Variants in AJAP1 observed in about 807,000 individuals in gnomAD.
AJAP1 encodes the protein adherens junctions associated protein 1.
In AJAP1, 5 loss-of-function variants were observed where a neutral mutation model predicts 35.0. The ratio of observed to expected loss-of-function variants is 0.14; its 90% CI spans 0.07 to 0.30. AJAP1 has a LOEUF of 0.30. AJAP1 is among the 10% of genes least tolerant of loss of function. The pLI is 1.00. For missense variants in AJAP1, 586 were observed against 571.0 expected, an observed-to-expected ratio of 1.03 and a Z score of -0.27; for synonymous variants, 284 against 249.3, an observed-to-expected ratio of 1.14 and a Z score of -1.31.
rs1260728308 is a variant in AJAP1 at position 4,712,104 on chromosome 1, G to A, written c.234G>A (p.Val78=). 1.3e-6 allele frequency: 2 copies of A among 1,549,202 alleles called. No individual in the cohort carries two copies. Among genetic ancestry groups the A allele is most frequent in the East Asian group, 2.4e-5 (1 of 41,834 alleles). The change falls in exon 2 of 6, where the codon GTG becomes GTA. Residue 78 remains valine, a synonymous_variant. Coordinates refer to ENST00000378191, the MANE Select transcript of AJAP1 (RefSeq NM_018836.4). The part of the protein sequence containing the change: ...SGQPARVPAP[V]WSPRPPRVER... Reference sequence around the variant, plus strand: ...AGCCAGCGCGGGTCCCGGCCCCGGTGTGGAGCCCCCGGCCGCCCCGAGTGG... The same window carrying A: ...AGCCAGCGCGGGTCCCGGCCCCGGTATGGAGCCCCCGGCCGCCCCGAGTGG...
intron 2 of AJAP1, among the ~76,000 whole-genome samples, chr1:4,739,440 C>T (rs942350417): frequency 9.9e-5 from 15 of 152,180 alleles, no homozygotes; most frequent in African/African-American, 3.1e-4. Context: ...CCACCCCCTA[C>T]CCTCGTGTTA....
rs1640587419 is a variant in AJAP1 at position 4,723,974 on chromosome 1, G to C, written c.829+11275G>C. On this transcript the variant is annotated intron_variant, in intron 2 of 5. Coordinates refer to ENST00000378191, the MANE Select transcript of AJAP1 (RefSeq NM_018836.4). The surrounding 1 kb of genome is among the most constrained non-coding windows in gnomAD (Gnocchi z 4.3). ...TGAGCTCGCTATAGAGACCTCAAGA[G>C]GTGTCCAAGAAAAGCCTGGTTTCCG... is the stretch of plus-strand genomic sequence containing the variant. 2.0e-5 allele frequency among the ~76,000 whole-genome samples: 3 copies of C among 152,162 alleles called. No homozygotes were observed. Among genetic ancestry groups the C allele is most frequent in the African/African-American group, 7.2e-5 (3 of 41,422 alleles).
At position 4,692,144 on chromosome 1, in the gene AJAP1, T is replaced by C. The variant is rs1027898930; in HGVS notation, c.30-19756T>C. Among the ~76,000 whole-genome samples, 2 of 152,116 alleles carry C rather than the reference T, an allele frequency of 1.3e-5. No individual in the cohort carries two copies. The highest frequency in any genetic ancestry group is 2.9e-5 in the Non-Finnish European group (2 of 68,006). On this transcript the variant is annotated intron_variant, in intron 1 of 5. Transcript: ENST00000378191. The surrounding 1 kb of genome is among the most constrained non-coding windows in gnomAD (Gnocchi z 4.4). ...CTATTATCTCTGCATCGTTGCCGCCTTCTCGAGGGTTAGGAGTCAGCCCCG... is the reference window on the plus strand; with the variant it reads ...CTATTATCTCTGCATCGTTGCCGCCCTCTCGAGGGTTAGGAGTCAGCCCCG...
At chr1:4,703,290 C>T (rs1338148030) in intron 1 of AJAP1, among the ~76,000 whole-genome samples, 1 of 152,134 alleles carries the variant, frequency 6.6e-6, no homozygotes, top group East Asian at 1.9e-4. Flanking sequence ...TGCGCCAGGG[C>T]TGGGGACTGA....
intron 5 of AJAP1, 102 bp downstream of exon 5, chr1:4,774,660 T>C: frequency 1.5e-6 from 1 of 653,618 alleles, no homozygotes; most frequent in East Asian, 2.8e-5. Flanking sequence ...CTTTTAGACA[T>C]GGCGGGTGGA....
At position 4,737,750 on chromosome 1, in the gene AJAP1, A is replaced by G. The variant is rs1276944472; in HGVS notation, c.829+25051A>G. ...TTCTACAAAAATAATTATTTAAAAT[A>G]TTAGCTGGATGTAGTGGTGCATGCA... On this transcript the variant is annotated intron_variant, in intron 2 of 5. Transcript: ENST00000378191. Among the ~76,000 whole-genome samples the G allele has an allele frequency of 3.9e-5, 6 of 152,216 alleles. No individual in the cohort carries two copies. The South Asian group carries it at 1.2e-3, about 32-fold the overall frequency.
intron 1 of AJAP1, among the ~76,000 whole-genome samples, chr1:4,675,985 G>T (rs566887567): frequency 1.3e-5 from 2 of 152,232 alleles, no homozygotes; most frequent in African/African-American, 4.8e-5. Context: ...GGACGCCCAC[G>T]TTTAGGAGGA....
chr1:4,712,894 A>G (rs552186291), intron 2 of AJAP1, among the ~76,000 whole-genome samples, 195 bp downstream of exon 2: 1 of 152,282 alleles, frequency 6.6e-6, no homozygotes, highest in East Asian at 1.9e-4. Flanking sequence ...AGGGGGCGTG[A>G]GAAGGGAGAG....
chr1:4,677,514 G>T (rs945438467), intron 1 of AJAP1, among the ~76,000 whole-genome samples: 1 of 151,968 alleles, frequency 6.6e-6, no homozygotes, highest in Non-Finnish European at 1.5e-5. Context: ...TTCCAGAGGG[G>T]ATTCCACCTC....
At chr1:4,694,425 T>C (rs962642179) in intron 1 of AJAP1, among the ~76,000 whole-genome samples, 5 of 152,174 alleles carry the variant, frequency 3.3e-5, no homozygotes, top group Non-Finnish European at 7.4e-5. Context: ...ATTCATTCAG[T>C]CTCTCAACAA....
intron 1 of AJAP1, among the ~76,000 whole-genome samples, chr1:4,676,930 G>T (rs929216110): frequency 6.6e-6 from 1 of 152,214 alleles, no homozygotes; most frequent in African/African-American, 2.4e-5. Flanking sequence ...GCCGAGGCAG[G>T]TGGATCACCT....
rs1570154177 is a variant in AJAP1, at chr1:4,720,393, G to A, written c.829+7694G>A. ...ACTGGGGAAGCCAAGTTTGTTGGAGGAACAGAGAGGCTGAAAATCTCCCTC... is the reference window on the plus strand; with the variant it reads ...ACTGGGGAAGCCAAGTTTGTTGGAGAAACAGAGAGGCTGAAAATCTCCCTC... On this transcript the variant is annotated intron_variant, in intron 2 of 5. Transcript: ENST00000378191. This position sits in a 1 kb window ranked among gnomAD's most constrained non-coding sequence, Gnocchi z 4.4. Among the ~76,000 whole-genome samples the A allele has an allele frequency of 6.6e-6, 1 of 152,330 alleles. No homozygotes were observed. The highest frequency in any genetic ancestry group is 1.9e-4 in the East Asian group (1 of 5,174).
intron 1 of AJAP1, among the ~76,000 whole-genome samples, chr1:4,662,631 G>T (rs911583910): frequency 1.3e-5 from 2 of 152,076 alleles, no homozygotes; most frequent in African/African-American, 4.8e-5. Context: ...CGGTGGGGCC[G>T]CAAGAAGCCC....
At position 4,656,671 on chromosome 1, in the gene AJAP1, C is replaced by T. The variant is rs1233875132; in HGVS notation, c.29+1217C>T. ...ACCCTTGATTTATGAGCCGATTCTG[C>T]TCCCAGAGGTGAATACTGTGTAACA... On this transcript the variant is annotated intron_variant, in intron 1 of 5. Coordinates refer to ENST00000378191, the MANE Select transcript of AJAP1 (RefSeq NM_018836.4). This position sits in a 1 kb window ranked among gnomAD's most constrained non-coding sequence, Gnocchi z 5.7. Among the ~76,000 whole-genome samples, 2 of 152,172 alleles carry T rather than the reference C, an allele frequency of 1.3e-5. No homozygotes were observed. The highest frequency in any genetic ancestry group is 2.9e-5 in the Non-Finnish European group (2 of 68,030).
At chr1:4,673,238 C>T (rs1454503052) in intron 1 of AJAP1, among the ~76,000 whole-genome samples, 2 of 152,142 alleles carry the variant, frequency 1.3e-5, no homozygotes, top group Non-Finnish European at 2.9e-5. Context: ...TGTTTACACT[C>T]CTGTGTTTGG....
At chr1:4,697,364 A>T (rs1258624944) in intron 1 of AJAP1, among the ~76,000 whole-genome samples, 1 of 152,270 alleles carries the variant, frequency 6.6e-6, no homozygotes, top group Non-Finnish European at 1.5e-5. Flanking sequence ...GTGGCTTCGC[A>T]CAAGGAATGC....
intron 2 of AJAP1, among the ~76,000 whole-genome samples, chr1:4,762,492 G>C (rs143985055): frequency 6.6e-6 from 1 of 152,228 alleles, no homozygotes; most frequent in Non-Finnish European, 1.5e-5. Flanking sequence ...AACTCTGGGC[G>C]TCAAGGCCCA....
chr1:4,720,286 C>T lies in AJAP1; in HGVS notation c.829+7587C>T, dbSNP rs1418564012. Among the ~76,000 whole-genome samples the T allele has an allele frequency of 6.6e-6, 1 of 152,242 alleles. No individual in the cohort carries two copies. Among genetic ancestry groups the T allele is most frequent in the Non-Finnish European group, 1.5e-5 (1 of 68,048 alleles). Reference sequence around the variant, plus strand: ...CAACATGGTTCAGTGAATCTCACAACCGTCCGCCTTGCAGTCTGTGTAAGG... The same window carrying T: ...CAACATGGTTCAGTGAATCTCACAATCGTCCGCCTTGCAGTCTGTGTAAGG... On this transcript the variant is annotated intron_variant, in intron 2 of 5. Coordinates refer to ENST00000378191, the MANE Select transcript of AJAP1 (RefSeq NM_018836.4). This position sits in a 1 kb window ranked among gnomAD's most constrained non-coding sequence, Gnocchi z 4.4.
chr1:4,729,983 A>G (rs1329296308), intron 2 of AJAP1, among the ~76,000 whole-genome samples: 9 of 151,696 alleles, frequency 5.9e-5, no homozygotes, highest in African/African-American at 1.2e-4. Context: ...CCTTCCTTCT[A>G]CTCCCCATTG....
Sources: allele counts gnomAD v4.1 joint callset (sites outside exome capture counted in the v4.1 genomes callset), GRCh38; gene constraint gnomAD v4.1.1; non-coding constraint Gnocchi (gnomAD v3.1); transcripts MANE v1.5; gene names NCBI Gene and HGNC (gene_info 2026-07-23, HGNC 2026-07-21).